Variants in DNAH11 observed in about 807,000 individuals in gnomAD.
The protein encoded by DNAH11 is axonemal beta dynein heavy chain 11.
DNAH11 carries 442 observed loss-of-function variants against 526.0 expected under a neutral mutation model. The observed-to-expected ratio is 0.84, with a 90% confidence interval of 0.78 to 0.91. The LOEUF (loss-of-function observed/expected upper bound fraction) is 0.91. DNAH11 is among the 40% of genes least tolerant of loss of function. The pLI, the probability that DNAH11 is intolerant of heterozygous loss-of-function variation, is 0.00. For missense variants in DNAH11, 6,989 were observed against 5,448.7 expected (o/e 1.28, Z -8.90); for synonymous variants, 2,461 against 1,935.9 (o/e 1.27, Z -7.12).
At chr7:21,714,682 A>G (rs1438193700) in intron 42 of DNAH11, among the ~76,000 whole-genome samples, 1 of 152,200 alleles carries the variant, frequency 6.6e-6, no homozygotes, top group East Asian at 1.9e-4. Flanking sequence ...AACTATAGAA[A>G]AGTTGGAAAG....
intron 63 of DNAH11, among the ~76,000 whole-genome samples, chr7:21,811,140 G>A (rs1403127216): frequency 6.6e-6 from 1 of 152,182 alleles, no homozygotes; most frequent in African/African-American, 2.4e-5. Flanking sequence ...CAACATGGAT[G>A]AACCTTGTCA....
intron 45 of DNAH11, among the ~76,000 whole-genome samples, chr7:21,731,589 A>C (rs572703638): frequency 2.0e-5 from 3 of 152,348 alleles, no homozygotes; most frequent in Middle Eastern, 3.4e-3. Flanking sequence ...TTACAAATAA[A>C]AGTTCAAACA....
chr7:21,637,530 AT>A, intron 26 of DNAH11, 80 bp from the exon 27 acceptor site: 1 of 990,282 alleles, frequency 1.0e-6, no homozygotes, highest in Non-Finnish European at 1.6e-6. Context: ...TTTGTTCTTC[AT>A]TTTTTTAATT....
At position 21,801,096 on chromosome 7, in the gene DNAH11, T is replaced by G. The variant is rs572357343; in HGVS notation, c.10027-41T>G. ...TAAGATGATGGTAATCTCTCTGTTT[T>G]AACTAAAAATGACTCAAAAGTTAAT... On this transcript the variant is annotated intron_variant, in intron 61 of 81. Transcript: ENST00000409508. The G allele has an allele frequency of 5.0e-5, 79 of 1,567,364 alleles. No homozygotes were observed. In the African/African-American group the frequency reaches 9.5e-4, roughly 19 times the overall value.
chr7:21,711,839 C>T lies in DNAH11; in HGVS notation c.6962C>T (p.Pro2321Leu). The change falls in exon 42 of 82, where the codon CCA (proline) becomes CTA (leucine). Residue 2321 changes from proline to leucine, a missense_variant. Pro to Leu is a moderately conservative substitution (Grantham distance 98, BLOSUM62 -3). Transcript: ENST00000409508. ...AGAGCTGGTATTCTGTATGTGAACC[C>T]ACAAGATCTGGGCTGGAATCCGTGA... The part of the protein sequence containing the change: ...VSRAGILYVN[P>L]QDLGWNPYVA... The T allele has an allele frequency of 6.2e-7, 1 of 1,613,434 alleles. No individual in the cohort carries two copies. Among genetic ancestry groups the T allele is most frequent in the African/African-American group, 1.3e-5 (1 of 75,038 alleles).
intron 61 of DNAH11, among the ~76,000 whole-genome samples, chr7:21,799,679 T>A (rs1226800742): frequency 3.9e-5 from 6 of 152,198 alleles, no homozygotes; most frequent in African/African-American, 1.4e-4. Flanking sequence ...AATATCTCCA[T>A]CAATTCTCAT....
At chr7:21,881,783 G>A (rs1019862029) in intron 75 of DNAH11, among the ~76,000 whole-genome samples, 1 of 152,024 alleles carries the variant, frequency 6.6e-6, no homozygotes, top group Non-Finnish European at 1.5e-5. Flanking sequence ...CTCAGGCTTC[G>A]GTGGTGATTT....
chr7:21,824,811 T>C (rs971385525), intron 65 of DNAH11, among the ~76,000 whole-genome samples: 1 of 152,194 alleles, frequency 6.6e-6, no homozygotes, highest in Non-Finnish European at 1.5e-5. Flanking sequence ...TTTCCCTCAA[T>C]CATATGTTTC....
chr7:21,887,676 T>C (rs906582840), intron 76 of DNAH11, among the ~76,000 whole-genome samples: 5 of 152,316 alleles, frequency 3.3e-5, no homozygotes, highest in Admixed American at 2.0e-4. Context: ...TATTATAAAG[T>C]ATACATTTTC....
At chr7:21,645,459 C>T (rs996207452) in intron 28 of DNAH11, among the ~76,000 whole-genome samples, 2 of 152,118 alleles carry the variant, frequency 1.3e-5, no homozygotes, top group African/African-American at 2.4e-5. Context: ...CTTTTCTCCT[C>T]GAGACATTTG....
At chr7:21,850,601 T>C (rs1373631708) in intron 66 of DNAH11, among the ~76,000 whole-genome samples, 2 of 137,232 alleles carry the variant, frequency 1.5e-5, no homozygotes, top group Admixed American at 7.9e-5. Flanking sequence ...TTGCGTTCTG[T>C]CTTCTTCTTT....
intron 42 of DNAH11, among the ~76,000 whole-genome samples, chr7:21,714,788 C>T (rs1447022339): frequency 1.3e-5 from 2 of 152,162 alleles, no homozygotes; most frequent in African/African-American, 4.8e-5. Flanking sequence ...CATAGAGGCA[C>T]ATTTTCTACT....
intron 30 of DNAH11, among the ~76,000 whole-genome samples, chr7:21,679,295 A>G (rs552774924): frequency 2.8e-4 from 42 of 152,356 alleles, no homozygotes; most frequent in Non-Finnish European, 4.1e-4. Context: ...TATAGCATGA[A>G]TAAGTTCTAG....
At chr7:21,875,999 T>G (rs946625148) in intron 74 of DNAH11, among the ~76,000 whole-genome samples, 7 of 146,920 alleles carry the variant, frequency 4.8e-5, no homozygotes, top group Admixed American at 1.4e-4. Context: ...TTCTCCTGCC[T>G]CAGCCTCCCG....
chr7:21,854,033 T>C lies in DNAH11; in HGVS notation c.11062-282T>C, dbSNP rs552973886. 1.0e-3 allele frequency among the ~76,000 whole-genome samples: 154 copies of C among 152,342 alleles called. 2 individuals carry two copies. The highest frequency in any genetic ancestry group is 3.6e-3 in the African/African-American group (149 of 41,576). ...GAGAGGGGAGGCAGGAAGGTGACAT[T>C]ACTCAAATTCTGTAGAACAGAAAAC... On this transcript the variant is annotated intron_variant, in intron 67 of 81. Coordinates refer to ENST00000409508, the MANE Select transcript of DNAH11 (RefSeq NM_001277115.2).
chr7:21,592,897 G>A (rs1583510210), intron 14 of DNAH11, among the ~76,000 whole-genome samples: 1 of 152,180 alleles, frequency 6.6e-6, no homozygotes, highest in East Asian at 1.9e-4. Flanking sequence ...AAAAAAGGAG[G>A]TTTGGTTTTG....
chr7:21,704,578 C>T lies in DNAH11; in HGVS notation c.6418C>T (p.Gln2140Ter). 1.9e-6 allele frequency: 3 copies of T among 1,613,576 alleles called. No individual in the cohort carries two copies. The highest frequency in any genetic ancestry group is 2.5e-6 in the Non-Finnish European group (3 of 1,179,732). ...GCTGCACTTTGAACAGATGGTCAGGCAGTCTACCCTGGAGCTCCGCCTGCA... is the reference window on the plus strand; with the variant it reads ...GCTGCACTTTGAACAGATGGTCAGGTAGTCTACCCTGGAGCTCCGCCTGCA... ...RKLHFEQMVR[Q>*]STLELRLQPE... Residue 2140 changes from glutamine to a stop codon, truncating the protein, a stop_gained, in exon 38 of 82, where the codon CAG becomes TAG. Coordinates refer to ENST00000409508, the MANE Select transcript of DNAH11 (RefSeq NM_001277115.2). LOFTEE classifies it high-confidence loss of function.
At chr7:21,595,569 A>T (rs1300225696) in intron 14 of DNAH11, among the ~76,000 whole-genome samples, 1 of 152,200 alleles carries the variant, frequency 6.6e-6, no homozygotes, top group African/African-American at 2.4e-5. Context: ...TGGAAAGGTG[A>T]ATTTGCAATC....
chr7:21,711,113 T>C (rs563621596), intron 41 of DNAH11, among the ~76,000 whole-genome samples: 1 of 152,290 alleles, frequency 6.6e-6, no homozygotes, highest in East Asian at 1.9e-4. Context: ...GTTAAAATGT[T>C]TTCCCAAGCT....
Sources: gnomAD v4.1 joint callset for allele counts (sites outside exome capture counted in the v4.1 genomes callset) on GRCh38, gnomAD v4.1.1 for gene constraint, MANE v1.5 for transcripts, NCBI Gene and HGNC (gene_info 2026-07-23, HGNC 2026-07-21) for gene names.